CTNNA2: variants seen among roughly 807,000 people sequenced by gnomAD.
The protein encoded by CTNNA2 is catenin alpha 2, also known as catenin alpha-2.
Under a neutral mutation model 101.0 loss-of-function variants are expected in CTNNA2, and 42 were observed. The ratio of observed to expected loss-of-function variants is 0.42; its 90% CI spans 0.32 to 0.54. The LOEUF (loss-of-function observed/expected upper bound fraction) is 0.54, where lower values mean the gene tolerates loss of function less well. Among genes scored for constraint, CTNNA2 ranks in the 20% least tolerant of loss-of-function variants. The probability of loss-of-function intolerance (pLI) is 0.14; values close to 1 mark genes in which losing one functional copy is unlikely to be tolerated. For missense variants in CTNNA2, 871 were observed against 1,223.1 expected, an observed-to-expected ratio of 0.71 and a Z score of 4.29; for synonymous variants, 450 against 456.4, an observed-to-expected ratio of 0.99 and a Z score of 0.18.
chr2:80,377,608 G>A (rs915649202), intron 7 of CTNNA2, among the ~76,000 whole-genome samples: 1 of 152,166 alleles, frequency 6.6e-6, no homozygotes, highest in Non-Finnish European at 1.5e-5. Context: ...AGGAAGACTG[G>A]AAATTGCATT....
At chr2:79,494,203 G>A (rs941566651) in intron 4 of CTNNA2, among the ~76,000 whole-genome samples, 26 of 151,636 alleles carry the variant, frequency 1.7e-4, no homozygotes, top group Admixed American at 1.3e-3. Context: ...GATATCTCAT[G>A]TTCATGGAAC....
chr2:79,201,699 C>A (rs1674037811), intron 2 of CTNNA2, among the ~76,000 whole-genome samples: 1 of 151,888 alleles, frequency 6.6e-6, no homozygotes, highest in Non-Finnish European at 1.5e-5. Context: ...CATAAAGAAA[C>A]TCAAGCTGGT....
At chr2:79,212,301 C>G (rs566123642) in intron 2 of CTNNA2, among the ~76,000 whole-genome samples, 208 of 152,172 alleles carry the variant, frequency 1.4e-3, no homozygotes, top group African/African-American at 4.8e-3. Flanking sequence ...GTAGGGATGA[C>G]AAGTTTTTTG....
At chr2:80,037,087 A>G (rs1695716906) in intron 7 of CTNNA2, among the ~76,000 whole-genome samples, 2 of 152,180 alleles carry the variant, frequency 1.3e-5, no homozygotes. Flanking sequence ...CAAAGATACG[A>G]ATATGAGGAC....
intron 15 of CTNNA2, among the ~76,000 whole-genome samples, chr2:80,590,021 TC>T (rs1252648058): frequency 6.6e-6 from 1 of 152,236 alleles, no homozygotes; most frequent in Non-Finnish European, 1.5e-5. Flanking sequence ...AATCTAAGAT[TC>T]CATTGTTTTC....
intron 9 of CTNNA2, among the ~76,000 whole-genome samples, chr2:80,490,029 T>C (rs915294004): frequency 6.6e-6 from 1 of 152,180 alleles, no homozygotes; most frequent in Admixed American, 6.5e-5. Context: ...CTGTCAAAAA[T>C]TACTAAGCAA....
intron 7 of CTNNA2, among the ~76,000 whole-genome samples, chr2:80,143,340 A>G (rs1049327196): frequency 6.6e-6 from 1 of 152,210 alleles, no homozygotes; most frequent in Non-Finnish European, 1.5e-5. Context: ...TTTATGGAGT[A>G]TAAGTAATGT....
chr2:79,456,179 T>C (rs772001609), intron 4 of CTNNA2, among the ~76,000 whole-genome samples: 3 of 151,024 alleles, frequency 2.0e-5, no homozygotes, highest in South Asian at 2.1e-4. Context: ...ATTTAAACTA[T>C]TGAATTATAA....
At chr2:79,327,979 G>GA (rs1676785103) in intron 3 of CTNNA2, among the ~76,000 whole-genome samples, 1 of 152,022 alleles carries the variant, frequency 6.6e-6, no homozygotes, top group African/African-American at 2.4e-5. Context: ...GGGTTGCGGG[G>GA]GTGAGGGAAG....
chr2:79,904,578 C>G (rs186451612), intron 6 of CTNNA2, among the ~76,000 whole-genome samples: 1 of 152,174 alleles, frequency 6.6e-6, no homozygotes, highest in Non-Finnish European at 1.5e-5. Context: ...AAGACCTGTG[C>G]TCAAATCCTG....
intron 9 of CTNNA2, among the ~76,000 whole-genome samples, chr2:80,454,038 A>C (rs1258975300): frequency 6.6e-6 from 1 of 152,192 alleles, no homozygotes; most frequent in East Asian, 1.9e-4. Context: ...AAAAAAAGAA[A>C]AGAATAAAAG....
intron 4 of CTNNA2, among the ~76,000 whole-genome samples, chr2:79,868,228 G>A (rs547990942): frequency 2.0e-5 from 3 of 152,196 alleles, no homozygotes; most frequent in South Asian, 4.2e-4. Context: ...AAAAGAAGAC[G>A]CATGCTTTCC....
At chr2:80,298,573 G>T (rs930635923) in intron 7 of CTNNA2, 1 of 152,168 alleles carries the variant, frequency 6.6e-6, no homozygotes, top group African/African-American at 2.4e-5. Flanking sequence ...GTGTGTACTT[G>T]CTTGGAAAAC....
chr2:79,441,234 T>C (rs926949780), intron 4 of CTNNA2, among the ~76,000 whole-genome samples: 1 of 152,148 alleles, frequency 6.6e-6, no homozygotes, highest in Non-Finnish European at 1.5e-5. Flanking sequence ...GAGGCATACC[T>C]CTCCTTTCAA....
intron 3 of CTNNA2, among the ~76,000 whole-genome samples, chr2:79,826,638 G>A (rs1678458728): frequency 6.6e-6 from 1 of 152,166 alleles, no homozygotes; most frequent in African/African-American, 2.4e-5. Context: ...AAAAATGTAT[G>A]TATGTTTGCA....
chr2:80,270,902 G>A (rs929328440), intron 7 of CTNNA2, among the ~76,000 whole-genome samples: 3 of 151,832 alleles, frequency 2.0e-5, no homozygotes, highest in African/African-American at 7.3e-5. Context: ...ATTGTTTATG[G>A]GACTGGCAAT....
chr2:79,753,867 C>CT (rs1170637332), intron 3 of CTNNA2, among the ~76,000 whole-genome samples: 2,944 of 134,868 alleles, frequency 0.022, 46 homozygotes, highest in Non-Finnish European at 0.025. Flanking sequence ...CTTTTTCTCT[C>CT]TTTTTTTTTT....
At chr2:79,603,632 A>G (rs944232285) in intron 1 of CTNNA2, among the ~76,000 whole-genome samples, 4 of 152,320 alleles carry the variant, frequency 2.6e-5, no homozygotes, top group East Asian at 1.9e-4. Context: ...AAAAACCCCA[A>G]TACATATTAA....
At position 79,629,864 on chromosome 2, in the gene CTNNA2, A is replaced by G. The variant is rs553732643; in HGVS notation, c.-5-21688A>G. On this transcript the variant is annotated intron_variant, in intron 1 of 18. Coordinates refer to ENST00000402739, the MANE Select transcript of CTNNA2 (RefSeq NM_001282597.3). ...GAGAGGCTGTCCCTCCAGAGCTAGC[A>G]GATTCCCAAATGTATCAAACAACTT... is the stretch of plus-strand genomic sequence containing the variant. 1.1e-4 allele frequency among the ~76,000 whole-genome samples: 16 copies of G among 152,262 alleles called. 1 individual carries two copies. The highest frequency in any genetic ancestry group is 4.6e-4 in the Admixed American group (7 of 15,292).
Sources: allele counts gnomAD v4.1 joint callset (sites outside exome capture counted in the v4.1 genomes callset), GRCh38; gene constraint gnomAD v4.1.1; transcripts MANE v1.5; gene names NCBI Gene and HGNC (gene_info 2026-07-23, HGNC 2026-07-21).